The following ROCK2 variants were observed in gnomAD, a reference collection of about 807,000 sequenced individuals.
ROCK2 encodes Rho associated coiled-coil containing protein kinase 2.
A neutral mutation model predicts 195.1 loss-of-function variants in ROCK2; 61 were observed. The ratio of observed to expected loss-of-function variants is 0.31; its 90% CI spans 0.25 to 0.39. ROCK2 has a LOEUF of 0.39. Among genes scored for constraint, ROCK2 ranks in the 10% least tolerant of loss-of-function variants. ROCK2 has a pLI of 1.00. For missense variants in ROCK2, 1,109 were observed against 1,637.4 expected (o/e 0.68, Z 5.57); for synonymous variants, 504 against 545.5 (o/e 0.92, Z 1.06).
At chr2:11,282,424 T>G (rs936859379) in intron 3 of ROCK2, among the ~76,000 whole-genome samples, 1 of 151,994 alleles carries the variant, frequency 6.6e-6, no homozygotes, top group Non-Finnish European at 1.5e-5. Flanking sequence ...ATAGACTTAC[T>G]ATAAAGCTAC....
intron 28 of ROCK2, 67 bp downstream of exon 28, chr2:11,194,888 A>G (rs940274335): frequency 1.4e-5 from 12 of 862,564 alleles, no homozygotes; most frequent in Non-Finnish European, 2.2e-5. Context: ...TACAACTACA[A>G]AAGCCAAATG....
In ROCK2 at chr2:11,192,535, G is replaced by C; in HGVS notation, c.3865C>G (p.Pro1289Ala). The C allele has an allele frequency of 6.2e-7, 1 of 1,614,108 alleles. No individual in the cohort carries two copies. The highest frequency in any genetic ancestry group is 1.1e-5 in the South Asian group (1 of 91,074). Residue 1289 changes from proline to alanine, a missense_variant, in exon 31 of 33, where the codon CCT becomes GCT. By Grantham distance (27) the Pro-to-Ala change is conservative. Around this residue, in one of 6 missense-constraint regions of ROCK2, gnomAD observed 221 missense variants for 355.1 expected, o/e 0.62. Coordinates refer to ENST00000315872, the MANE Select transcript of ROCK2 (RefSeq NM_004850.5). This position sits in a 1 kb window ranked among gnomAD's most constrained non-coding sequence, Gnocchi z 5.0. ...TGGCAACGGCGGCACTCCAAAGCAG[G>C]AGGAGGCTTAAACATGTGCCACAGG... is the stretch of plus-strand genomic sequence containing the variant. ...KPLWHMFKPPPALECRRCHIK... is the reference protein window; with the variant it reads ...KPLWHMFKPPAALECRRCHIK...
chr2:11,299,131 G>A lies in ROCK2; in HGVS notation c.142-11395C>T, dbSNP rs187869133. ...AAAAAAAAAAATACAAAAATTAGCC[G>A]GGTGTGGTGGCACGCACCTGTAATC... On this transcript the variant is annotated intron_variant, in intron 1 of 32. Coordinates refer to ENST00000315872, the MANE Select transcript of ROCK2 (RefSeq NM_004850.5). Among the ~76,000 whole-genome samples the A allele has an allele frequency of 1.3e-3, 194 of 151,528 alleles. 3 individuals are homozygous for A. The highest frequency in any genetic ancestry group is 4.5e-3 in the African/African-American group (188 of 41,320).
Position 11,307,919 on chromosome 2 carries a change from G to T in ROCK2, c.142-20183C>A, listed in dbSNP as rs567893440. 3 of 1,345,414 alleles carry T rather than the reference G, an allele frequency of 2.2e-6. No individual in the cohort carries two copies. The African/African-American group carries it at 4.4e-5, about 20-fold the overall frequency. The allele number at this position is 1,345,414 out of a possible 1,614,324, so 83.3% of individuals were successfully genotyped here. On this transcript the variant is annotated intron_variant, in intron 1 of 32. Transcript: ENST00000315872. Reference sequence around the variant, plus strand: ...GGTGGGTGGCGGTGGTGGCCGTAGCGGTCCTCCTGGCCCTGTTAATGTCAG... The same window carrying T: ...GGTGGGTGGCGGTGGTGGCCGTAGCTGTCCTCCTGGCCCTGTTAATGTCAG...
chr2:11,209,875 G>C (rs1334813011), intron 18 of ROCK2, among the ~76,000 whole-genome samples: 1 of 152,138 alleles, frequency 6.6e-6, no homozygotes, highest in Non-Finnish European at 1.5e-5. Context: ...ACTAATAATA[G>C]CATTTCTAAA....
intron 4 of ROCK2, among the ~76,000 whole-genome samples, chr2:11,238,955 G>A (rs1393599050): frequency 1.3e-5 from 2 of 151,684 alleles, no homozygotes; most frequent in Non-Finnish European, 2.9e-5. Flanking sequence ...AAAGGTGCCA[G>A]GGCAATTTAA....
intron 1 of ROCK2, among the ~76,000 whole-genome samples, chr2:11,314,311 C>T (rs1027442571): frequency 3.2e-5 from 4 of 123,314 alleles, no homozygotes; most frequent in African/African-American, 1.0e-4. Flanking sequence ...GACTGACATA[C>T]GTCCTTTGTC....
At chr2:11,211,981 T>C (rs1232308817) in intron 17 of ROCK2, 141 bp from the exon 18 acceptor site, 3 of 570,484 alleles carry the variant, frequency 5.3e-6, no homozygotes, top group East Asian at 6.2e-5. Context: ...TTATGGCTCA[T>C]TGCAGCCTCA....
intron 1 of ROCK2, chr2:11,308,696 C>G: frequency 6.3e-7 from 1 of 1,577,036 alleles, no homozygotes; most frequent in South Asian, 1.1e-5. Flanking sequence ...GGACATTGAG[C>G]TCCAGAAGCA....
At chr2:11,282,181 T>A (rs1667028580) in intron 3 of ROCK2, among the ~76,000 whole-genome samples, 1 of 151,902 alleles carries the variant, frequency 6.6e-6, no homozygotes, top group Non-Finnish European at 1.5e-5. Context: ...CAAAACCCCA[T>A]CTTTACTAAA....
intron 17 of ROCK2, among the ~76,000 whole-genome samples, chr2:11,212,809 T>G (rs1384640223): frequency 6.6e-6 from 1 of 152,050 alleles, no homozygotes; most frequent in Non-Finnish European, 1.5e-5. Flanking sequence ...GATGGGCTAT[T>G]CCACTCACAT....
chr2:11,294,333 A>G (rs1295128352), intron 1 of ROCK2, among the ~76,000 whole-genome samples: 7 of 152,228 alleles, frequency 4.6e-5, no homozygotes, highest in Admixed American at 1.3e-4. Flanking sequence ...AGCAGCTGCT[A>G]TTGCAGAGTT....
intron 4 of ROCK2, among the ~76,000 whole-genome samples, chr2:11,243,844 C>T (rs1665518964): frequency 6.6e-6 from 1 of 152,100 alleles, no homozygotes; most frequent in Admixed American, 6.5e-5. Context: ...TTTAATGTAT[C>T]AATACTGGTT....
Position 11,295,990 on chromosome 2 carries a change from G to GAGA in ROCK2, c.142-8255_142-8254insTCT, listed in dbSNP as rs1553313903. Among the ~76,000 whole-genome samples the GAGA allele has an allele frequency of 1.1e-3, 32 of 28,404 alleles. 1 individual carries two copies. The highest frequency in any genetic ancestry group is 2.0e-3 in the Non-Finnish European group (22 of 11,004). The allele number at this position is 28,404 out of a possible 152,430, so 18.6% of individuals were successfully genotyped here. On this transcript the variant is annotated intron_variant, in intron 1 of 32. Coordinates refer to ENST00000315872, the MANE Select transcript of ROCK2 (RefSeq NM_004850.5). Reference sequence around the variant, plus strand: ...AAAGAGAGAGAGAGAGAGAGAGAGAGGAGAGAGAGAGAGAGGAGAGAGAGA... The same window carrying GAGA: ...AAAGAGAGAGAGAGAGAGAGAGAGAGAGAGAGAGAGAGAGAGAGGAGAGAGAGA...
chr2:11,258,180 C>T (rs1666101568), intron 3 of ROCK2, among the ~76,000 whole-genome samples: 1 of 151,328 alleles, frequency 6.6e-6, no homozygotes, highest in Admixed American at 6.6e-5. Flanking sequence ...CAGCCCAATG[C>T]TTGGTACAGA....
chr2:11,275,694 T>C (rs1390270317), intron 3 of ROCK2, among the ~76,000 whole-genome samples: 1 of 133,902 alleles, frequency 7.5e-6, no homozygotes, highest in Non-Finnish European at 1.6e-5. Context: ...AATTCAACAA[T>C]CTTTTTTTTT....
chr2:11,217,465 A>G, intron 11 of ROCK2: 1 of 423,386 alleles, frequency 2.4e-6, no homozygotes, highest in South Asian at 2.0e-5. Context: ...TTCATTATAA[A>G]GAATACCACC....
intron 5 of ROCK2, among the ~76,000 whole-genome samples, chr2:11,234,893 C>G (rs1228818356): frequency 6.6e-6 from 1 of 151,870 alleles, no homozygotes; most frequent in Non-Finnish European, 1.5e-5. Context: ...TACCTTAACT[C>G]AAAATAAACA....
chr2:11,206,879 T>A (rs1376510193), intron 20 of ROCK2, among the ~76,000 whole-genome samples: 1 of 152,222 alleles, frequency 6.6e-6, no homozygotes, highest in African/African-American at 2.4e-5. Context: ...TTAAATCATT[T>A]GCCCGATGTT....
Sources: allele counts gnomAD v4.1 joint callset (sites outside exome capture counted in the v4.1 genomes callset), GRCh38; gene constraint gnomAD v4.1.1; regional missense constraint gnomAD v4.1.1; non-coding constraint Gnocchi (gnomAD v3.1); transcripts MANE v1.5; gene names NCBI Gene and HGNC (gene_info 2026-07-23, HGNC 2026-07-21).